CAPN1: variants seen among roughly 807,000 people sequenced by gnomAD.
The protein encoded by CAPN1 is calpain-1 catalytic subunit.
A neutral mutation model predicts 105.2 loss-of-function variants in CAPN1; 77 were observed. The ratio of observed to expected loss-of-function variants is 0.73; its 90% CI spans 0.61 to 0.88. The LOEUF (loss-of-function observed/expected upper bound fraction) is 0.88. CAPN1 is among the 40% of genes least tolerant of loss of function. CAPN1 has a pLI of 0.00. For synonymous variants in CAPN1, 355 were observed against 388.8 expected (o/e 0.91, Z 1.02); for missense variants, 833 against 976.6 (o/e 0.85, Z 1.96).
Position 65,209,716 on chromosome 11 carries a change from T to G in CAPN1, c.1795-133T>G. The G allele has an allele frequency of 1.2e-6, 1 of 848,282 alleles. No homozygotes were observed. Among genetic ancestry groups the G allele is most frequent in the Non-Finnish European group, 1.9e-6 (1 of 525,544 alleles). 52.5% of individuals were successfully genotyped at this position (848,282 alleles called of 1,614,324 possible). ...AGCCCGGCTGTGGGCTGACTGTACA[T>G]GGCTTTTGCTGCTTCTCCTCACCCA... On this transcript the variant is annotated intron_variant, in intron 17 of 21. Coordinates refer to ENST00000279247, the MANE Select transcript of CAPN1 (RefSeq NM_005186.4). The surrounding 1 kb of genome is among the most constrained non-coding windows in gnomAD (Gnocchi z 4.1).
chr11:65,209,440 G>T lies in CAPN1; in HGVS notation c.1794+53G>T. The T allele has an allele frequency of 6.8e-7, 1 of 1,462,440 alleles. No individual in the cohort carries two copies. Among genetic ancestry groups the T allele is most frequent in the Non-Finnish European group, 9.5e-7 (1 of 1,050,636 alleles). 90.6% of individuals were successfully genotyped at this position (1,462,440 alleles called of 1,614,324 possible). A position where few individuals can be genotyped will look rare whatever the true frequency, so the allele number is the denominator to read the frequency against. On this transcript the variant is annotated intron_variant, in intron 17 of 21. Transcript: ENST00000279247. This position sits in a 1 kb window ranked among gnomAD's most constrained non-coding sequence, Gnocchi z 4.1. ...GAGTGGGGTTTTGGGTGGAGGTATC[G>T]GTGCTGGGAGAACTGTCCCAGGACA...
At chr11:65,206,928 C>A in intron 14 of CAPN1, 109 bp downstream of exon 14, 3 of 1,040,560 alleles carry the variant, frequency 2.9e-6, no homozygotes, top group Admixed American at 4.6e-5. Flanking sequence ...CAGGGAAGAT[C>A]CCCTCCTGGT....
At position 65,182,780 on chromosome 11, in the gene CAPN1, G is replaced by C. The variant is rs1157412907; in HGVS notation, c.79G>C (p.Gly27Arg). 6.3e-7 allele frequency: 1 copy of C among 1,580,894 alleles called. No homozygotes were observed. The highest frequency in any genetic ancestry group is 8.6e-7 in the Non-Finnish European group (1 of 1,164,222). Residue 27 changes from glycine (G) to arginine (R), a missense_variant, in exon 2 of 22, where the codon GGC becomes CGC. Transcript: ENST00000279247. Reference protein sequence around the residue: ...QVQKQRARELGLGRHENAIKY... With the variant: ...QVQKQRARELRLGRHENAIKY... The stretch of plus-strand genomic sequence containing the variant: ...GCAGAAGCAGCGGGCCAGGGAGCTG[G>C]GCCTGGGCCGCCATGAGAATGCCAT...
intron 12 of CAPN1, chr11:65,206,192 T>C: frequency 1.8e-6 from 1 of 570,228 alleles, no homozygotes; most frequent in Admixed American, 3.1e-5. Context: ...CTCCCAGTGA[T>C]AATAATGACA....
intron 10 of CAPN1, among the ~76,000 whole-genome samples, chr11:65,189,433 T>C (rs1397313845): frequency 1.3e-5 from 2 of 152,164 alleles, no homozygotes. Context: ...ACGCTTTTTC[T>C]CTACCTTAGC....
In CAPN1 at chr11:65,210,463, C is replaced by G. The variant is rs766229297; in HGVS notation, c.2059+11C>G. 1.3e-6 allele frequency: 2 copies of G among 1,512,860 alleles called. No homozygotes were observed. Among genetic ancestry groups the G allele is most frequent in the Non-Finnish European group, 1.8e-6 (2 of 1,091,026 alleles). The allele number at this position is 1,512,860 out of a possible 1,614,324, so 93.7% of individuals were successfully genotyped here. A position where few individuals can be genotyped will look rare whatever the true frequency, so the allele number is the denominator to read the frequency against. On this transcript the variant is annotated intron_variant, in intron 20 of 21. Coordinates refer to ENST00000279247, the MANE Select transcript of CAPN1 (RefSeq NM_005186.4). The surrounding 1 kb of genome is among the most constrained non-coding windows in gnomAD (Gnocchi z 4.3). Reference sequence around the variant, plus strand: ...TAGAGACCATGTTCCGTGAGTGTCCCCAACTGCCTCCCACCCTCCAGCTCC... The same window carrying G: ...TAGAGACCATGTTCCGTGAGTGTCCGCAACTGCCTCCCACCCTCCAGCTCC...
chr11:65,209,633 G>A lies in CAPN1; in HGVS notation c.1795-216G>A, dbSNP rs1949014044. 2 of 637,162 alleles carry A rather than the reference G, an allele frequency of 3.1e-6. No homozygotes were observed. 39.5% of individuals were successfully genotyped at this position (637,162 alleles called of 1,614,324 possible). On this transcript the variant is annotated intron_variant, in intron 17 of 21. Coordinates refer to ENST00000279247, the MANE Select transcript of CAPN1 (RefSeq NM_005186.4). The surrounding 1 kb of genome is among the most constrained non-coding windows in gnomAD (Gnocchi z 4.1). ...GGTCCCCATTGACCCTGAGGCTGGT[G>A]CTATTTCTGACCCCTCCCCAGCCCA...
At chr11:65,187,145 A>T in intron 6 of CAPN1, 70 bp from the exon 7 acceptor site, 1 of 1,142,856 alleles carries the variant, frequency 8.8e-7, no homozygotes, top group Non-Finnish European at 1.3e-6. Context: ...CAAGACCCTG[A>T]GTGCTGGGGG....
intron 10 of CAPN1, chr11:65,203,444 C>T (rs1009207312): frequency 1.3e-5 from 2 of 152,314 alleles, no homozygotes; most frequent in East Asian, 1.9e-4. Context: ...ACTGCAACCT[C>T]CGCCTCCCAG....
intron 3 of CAPN1, 53 bp from the exon 4 acceptor site, chr11:65,183,421 C>T (rs778159460): frequency 4.3e-6 from 6 of 1,402,618 alleles, no homozygotes; most frequent in African/African-American, 1.4e-5. Context: ...CACCCGCTTC[C>T]CCCCCCGGGG....
intron 10 of CAPN1, among the ~76,000 whole-genome samples, chr11:65,192,739 G>T (rs536250768): frequency 6.6e-6 from 1 of 151,738 alleles, no homozygotes; most frequent in Admixed American, 6.6e-5. Context: ...CTGAGTAGCT[G>T]GGACTACACA....
intron 21 of CAPN1, 110 bp from the exon 22 acceptor site, chr11:65,211,150 C>G: frequency 8.0e-7 from 1 of 1,245,150 alleles, no homozygotes; most frequent in Non-Finnish European, 1.2e-6. Flanking sequence ...CATGAGGTTC[C>G]TGAGGTGGCT....
chr11:65,183,459 T>C lies in CAPN1; in HGVS notation c.338-15T>C, dbSNP rs755477674. 1 of 1,579,970 alleles carries C rather than the reference T, an allele frequency of 6.3e-7. No homozygotes were observed. The highest frequency in any genetic ancestry group is 8.7e-7 in the Non-Finnish European group (1 of 1,149,044). ...GGTTGGTAGAGCAGGCTAATGTGCA[T>C]CCCTCCTGCCCCAGGGGACTGCTGG... On this transcript the variant is annotated splice_polypyrimidine_tract_variant and intron_variant, in intron 3 of 21. Coordinates refer to ENST00000279247, the MANE Select transcript of CAPN1 (RefSeq NM_005186.4).
At chr11:65,206,231 A>C in intron 12 of CAPN1, 2 of 589,772 alleles carry the variant, frequency 3.4e-6, no homozygotes, top group Non-Finnish European at 6.1e-6. Flanking sequence ...CCTAATCTGC[A>C]ATCCGGTGCT....
Position 65,188,184 on chromosome 11 carries a change from C to A in CAPN1, c.929+144C>A. The A allele has an allele frequency of 1.4e-6, 1 of 714,680 alleles. No homozygotes were observed. The highest frequency in any genetic ancestry group is 2.3e-6 in the Non-Finnish European group (1 of 429,168). 44.3% of individuals were successfully genotyped at this position (714,680 alleles called of 1,614,324 possible). A position where few individuals can be genotyped will look rare whatever the true frequency, so the allele number is the denominator to read the frequency against. On this transcript the variant is annotated intron_variant, in intron 8 of 21. Transcript: ENST00000279247. The surrounding 1 kb of genome is among the most constrained non-coding windows in gnomAD (Gnocchi z 5.5). ...TCGCGCGACTGGGTCTGGGGGACTG[C>A]TCTGACAAAGCTCAGGCCGTGCGGG...
chr11:65,187,232 C>T lies in CAPN1; in HGVS notation c.777C>T (p.Asp259=), dbSNP rs554892822. Residue 259 remains aspartate, a synonymous_variant, in exon 7 of 22, where the codon GAC becomes GAT. Transcript: ENST00000279247. ...TTCTGCAGATCTCCAGCGTTCTAGA[C>T]ATGGAGGCCATCACTTTCAAGAAGT... is the stretch of plus-strand genomic sequence containing the variant. ...GCSIDISSVL[D]MEAITFKKLV... 6.2e-7 allele frequency: 1 copy of T among 1,612,986 alleles called. No homozygotes were observed. Among genetic ancestry groups the T allele is most frequent in the African/African-American group, 1.3e-5 (1 of 75,058 alleles).
chr11:65,210,498 G>T lies in CAPN1; in HGVS notation c.2059+46G>T, dbSNP rs771509834. The T allele has an allele frequency of 4.3e-6, 5 of 1,153,354 alleles. No individual in the cohort carries two copies. Among genetic ancestry groups the T allele is most frequent in the Non-Finnish European group, 6.5e-6 (5 of 773,830 alleles). 71.4% of individuals were successfully genotyped at this position (1,153,354 alleles called of 1,614,324 possible). ...CCCACCCTCCAGCTCCGTCCCAAAC[G>T]CGTCCCCCAGGAGCTGGGGGGAATG... is the stretch of plus-strand genomic sequence containing the variant. On this transcript the variant is annotated intron_variant, in intron 20 of 21. Transcript: ENST00000279247. This position sits in a 1 kb window ranked among gnomAD's most constrained non-coding sequence, Gnocchi z 4.3.
At chr11:65,187,338 T>A in intron 7 of CAPN1, 40 bp downstream of exon 7, 2 of 1,437,202 alleles carry the variant, frequency 1.4e-6, no homozygotes, top group Non-Finnish European at 1.9e-6. Context: ...GGGCGGTTCC[T>A]GCCCCCTGGC....
chr11:65,189,234 T>C (rs928625005), intron 10 of CAPN1, among the ~76,000 whole-genome samples: 1 of 152,222 alleles, frequency 6.6e-6, no homozygotes, highest in African/African-American at 2.4e-5. Flanking sequence ...TTGGCCAGGC[T>C]GGTCTCGATC....
Sources: allele counts gnomAD v4.1 joint callset (sites outside exome capture counted in the v4.1 genomes callset), GRCh38; gene constraint gnomAD v4.1.1; non-coding constraint Gnocchi (gnomAD v3.1); transcripts MANE v1.5; gene names NCBI Gene and HGNC (gene_info 2026-07-23, HGNC 2026-07-21).